The following SPCS2 variants were observed in gnomAD, a reference collection of about 807,000 sequenced individuals.
SPCS2 encodes the protein SPase 25 kDa subunit.
Under a neutral mutation model 22.3 loss-of-function variants are expected in SPCS2, and 3 were observed. That is an observed-to-expected ratio of 0.13 (90% CI 0.06 to 0.35). The LOEUF is 0.35. SPCS2 is among the 10% of genes least tolerant of loss of function. The probability of loss-of-function intolerance (pLI) is 1.00; values close to 1 mark genes in which losing one functional copy is unlikely to be tolerated. For missense variants in SPCS2, 169 were observed against 280.9 expected (o/e 0.60, Z 2.85); for synonymous variants, 67 against 97.2 (o/e 0.69, Z 1.83).
At position 74,954,657 on chromosome 11, in the gene SPCS2, G is replaced by C. The variant is rs555725167; in HGVS notation, c.114+5258G>C. On this transcript the variant is annotated intron_variant, in intron 1 of 4. Transcript: ENST00000263672. ...TGTGTGTGTGTGTTTAATGAAACAA[G>C]GTGCTGGCCTTTTAATACTGTTGCA... Among the ~76,000 whole-genome samples the C allele has an allele frequency of 7.6e-4, 115 of 152,310 alleles. 3 individuals carry two copies. The South Asian group carries it at 0.011, about 14-fold the overall frequency.
At chr11:74,950,247 T>C (rs895999185) in intron 1 of SPCS2, among the ~76,000 whole-genome samples, 8 of 152,218 alleles carry the variant, frequency 5.3e-5, no homozygotes, top group African/African-American at 1.9e-4. Flanking sequence ...ATGCTTGCTC[T>C]CTCTATATCT....
chr11:74,954,573 T>G (rs1043527464), intron 1 of SPCS2, among the ~76,000 whole-genome samples: 6 of 152,222 alleles, frequency 3.9e-5, no homozygotes, highest in African/African-American at 1.4e-4. Flanking sequence ...GTGATATGCT[T>G]GTGCCCTGTT....
chr11:74,969,252 A>G (rs915428211), intron 3 of SPCS2, among the ~76,000 whole-genome samples: 1 of 152,194 alleles, frequency 6.6e-6, no homozygotes, highest in South Asian at 2.1e-4. Flanking sequence ...CTATTATAAC[A>G]AAGTCTTGAC....
chr11:74,975,435 G>A (rs1232521661), intron 4 of SPCS2, among the ~76,000 whole-genome samples: 19 of 152,062 alleles, frequency 1.2e-4, no homozygotes, highest in Admixed American at 1.1e-3. Context: ...GTTCACTGCC[G>A]TATATCCTTA....
chr11:74,962,682 T>C (rs1948521196), intron 1 of SPCS2, among the ~76,000 whole-genome samples: 1 of 152,222 alleles, frequency 6.6e-6, no homozygotes, highest in Non-Finnish European at 1.5e-5. Flanking sequence ...AAGCACCTAA[T>C]AGCAACTCCC....
intron 4 of SPCS2, among the ~76,000 whole-genome samples, chr11:74,976,353 A>T (rs1948613788): frequency 6.6e-6 from 1 of 152,234 alleles, no homozygotes; most frequent in African/African-American, 2.4e-5. Context: ...AGAGCCTATT[A>T]TTAGGCCTGG....
chr11:74,964,616 A>G (rs1232725210), intron 1 of SPCS2, among the ~76,000 whole-genome samples: 1 of 152,256 alleles, frequency 6.6e-6, no homozygotes, highest in Non-Finnish European at 1.5e-5. Flanking sequence ...GAAAGAATGA[A>G]CAAATAGAGT....
At chr11:74,964,778 C>T (rs574658278) in intron 1 of SPCS2, among the ~76,000 whole-genome samples, 55 of 152,336 alleles carry the variant, frequency 3.6e-4, no homozygotes, top group African/African-American at 1.2e-3. Flanking sequence ...TGAGTACCAC[C>T]TGACTCTAGT....
At chr11:74,951,779 C>T (rs1486709839) in intron 1 of SPCS2, among the ~76,000 whole-genome samples, 1 of 128,726 alleles carries the variant, frequency 7.8e-6, no homozygotes, top group Admixed American at 8.9e-5. Context: ...CATTGCAGTC[C>T]AGCCTGGGCA....
chr11:74,955,050 A>G (rs956304659), intron 1 of SPCS2, among the ~76,000 whole-genome samples: 1 of 151,968 alleles, frequency 6.6e-6, no homozygotes, highest in African/African-American at 2.4e-5. Context: ...GATTGCTATA[A>G]TAAAGGGGGA....
intron 1 of SPCS2, among the ~76,000 whole-genome samples, chr11:74,952,985 G>A (rs1331612216): frequency 2.6e-5 from 4 of 152,134 alleles, no homozygotes; most frequent in African/African-American, 9.7e-5. Flanking sequence ...TCTCTGTAGT[G>A]ATCAACACAA....
At position 74,961,035 on chromosome 11, in the gene SPCS2, T is replaced by TA. The variant is rs59333466; in HGVS notation, c.115-3985dup. 3.5e-3 allele frequency among the ~76,000 whole-genome samples: 479 copies of TA among 137,968 alleles called. 1 individual carries two copies. The highest frequency in any genetic ancestry group is 5.5e-3 in the African/African-American group (209 of 37,984). 90.5% of individuals were successfully genotyped at this position (137,968 alleles called of 152,430 possible). On this transcript the variant is annotated intron_variant, in intron 1 of 4. Transcript: ENST00000263672. ...TTTTTCTTTATAAGGATTTAGACAT[T>TA]AAAAAAAAAAAAAAGCTATTGAGAG...
At chr11:74,951,139 C>G (rs189255155) in intron 1 of SPCS2, among the ~76,000 whole-genome samples, 11 of 152,146 alleles carry the variant, frequency 7.2e-5, no homozygotes, top group Admixed American at 6.5e-4. Flanking sequence ...TGAAAGAACC[C>G]GGATGTGGGG....
intron 1 of SPCS2, among the ~76,000 whole-genome samples, chr11:74,954,011 A>G (rs763670900): frequency 3.2e-4 from 49 of 152,214 alleles, no homozygotes; most frequent in Admixed American, 1.2e-3. Context: ...GTTAAAATTA[A>G]CAGATTTTTG....
intron 4 of SPCS2, 26 bp downstream of exon 4, chr11:74,969,725 A>C (rs755579058): frequency 1.9e-6 from 3 of 1,613,324 alleles, no homozygotes; most frequent in East Asian, 2.2e-5. Flanking sequence ...CAGATTTTTA[A>C]ATCCTGGTGT....
At chr11:74,957,775 A>G (rs541815577) in intron 1 of SPCS2, among the ~76,000 whole-genome samples, 55 of 152,152 alleles carry the variant, frequency 3.6e-4, no homozygotes, top group African/African-American at 1.2e-3. Context: ...TGTAAAGACC[A>G]TTTTTTTTGT....
At chr11:74,968,170 T>G (rs1314773501) in intron 3 of SPCS2, 4 of 152,178 alleles carry the variant, frequency 2.6e-5, no homozygotes, top group Non-Finnish European at 5.9e-5. Context: ...TTCATGAAAT[T>G]TATCTATTTT....
chr11:74,973,101 T>C (rs1948596114), intron 4 of SPCS2, among the ~76,000 whole-genome samples: 2 of 152,206 alleles, frequency 1.3e-5, no homozygotes, highest in African/African-American at 2.4e-5. Flanking sequence ...TGAGGACATA[T>C]TTCCACTGCA....
intron 1 of SPCS2, among the ~76,000 whole-genome samples, chr11:74,962,194 TAAAG>T (rs1948518599): frequency 6.6e-6 from 1 of 152,198 alleles, no homozygotes; most frequent in Admixed American, 6.5e-5. Flanking sequence ...ACTGGCAACA[TAAAG>T]AACTTTTTCT....
Sources: allele counts gnomAD v4.1 joint callset (sites outside exome capture counted in the v4.1 genomes callset), GRCh38; gene constraint gnomAD v4.1.1; transcripts MANE v1.5; gene names NCBI Gene and HGNC (gene_info 2026-07-23, HGNC 2026-07-21).